The following FBXW11 variants were observed in gnomAD, a reference collection of about 807,000 sequenced individuals.
FBXW11 encodes the protein F-box and WD repeat domain containing 11, also known as F-box/WD repeat-containing protein 11.
Under a neutral mutation model 77.6 loss-of-function variants are expected in FBXW11, and 19 were observed. That is an observed-to-expected ratio of 0.24 (90% CI 0.17 to 0.36). FBXW11 has a LOEUF of 0.36. Among genes scored for constraint, FBXW11 ranks in the 10% least tolerant of loss-of-function variants. The pLI is 1.00. For synonymous variants in FBXW11, 235 were observed against 249.4 expected, an observed-to-expected ratio of 0.94 and a Z score of 0.54; for missense variants, 334 against 704.2, an observed-to-expected ratio of 0.47 and a Z score of 5.95.
rs1370762795 is a variant in FBXW11, at chr5:171,861,980, C to T, written c.*2147G>A. On this transcript the variant is annotated 3_prime_UTR_variant, in exon 14 of 14. Transcript: ENST00000517395. ...TCAGAACTCCTTGGGTGCCAAAGTC[C>T]CCTGCTATAATTTAGTAGGCACAAT... 3 of 152,498 alleles carry T rather than the reference C, an allele frequency of 2.0e-5. No homozygotes were observed. The highest frequency in any genetic ancestry group is 4.4e-5 in the Non-Finnish European group (3 of 68,028). 9.4% of individuals were successfully genotyped at this position (152,498 alleles called of 1,614,324 possible).
intron 1 of FBXW11, among the ~76,000 whole-genome samples, chr5:171,981,570 G>C (rs1260379329): frequency 6.6e-6 from 1 of 152,122 alleles, no homozygotes; most frequent in African/African-American, 2.4e-5. Flanking sequence ...ACACCCAGTT[G>C]GTGTCTGCAA....
chr5:171,926,969 A>ATTC (rs1761923584), intron 2 of FBXW11, among the ~76,000 whole-genome samples: 1 of 152,186 alleles, frequency 6.6e-6, no homozygotes, highest in African/African-American at 2.4e-5. Context: ...TCAACTAGAT[A>ATTC]TTCTTAACAT....
At chr5:171,992,128 G>GAAAAAAAA (rs397768542) in intron 1 of FBXW11, among the ~76,000 whole-genome samples, 16 of 85,356 alleles carry the variant, frequency 1.9e-4, no homozygotes, top group East Asian at 4.7e-4. Context: ...AAGAAAAAAA[G>GAAAAAAAA]AAAAAAAAAA....
intron 2 of FBXW11, among the ~76,000 whole-genome samples, chr5:171,919,021 C>T (rs572457569): frequency 2.0e-5 from 3 of 152,208 alleles, no homozygotes; most frequent in South Asian, 2.1e-4. Context: ...TTCCTTGGCC[C>T]GTGTGACAGT....
chr5:171,953,627 C>G (rs1581248787), intron 2 of FBXW11, among the ~76,000 whole-genome samples: 2 of 152,078 alleles, frequency 1.3e-5, no homozygotes, highest in East Asian at 3.8e-4. Flanking sequence ...TTCATACCCC[C>G]CAAGAGTAAG....
chr5:171,935,468 C>CTACA (rs1762424977), intron 2 of FBXW11, among the ~76,000 whole-genome samples: 1 of 151,996 alleles, frequency 6.6e-6, no homozygotes, highest in Non-Finnish European at 1.5e-5. Context: ...GAAACCTGAA[C>CTACA]TACATGTTGA....
Position 171,904,357 on chromosome 5 carries a change from G to C in FBXW11, c.437-4257C>G, listed in dbSNP as rs1033048675. On this transcript the variant is annotated intron_variant, in intron 4 of 13. Coordinates refer to ENST00000517395, the MANE Select transcript of FBXW11 (RefSeq NM_001378974.1). This position sits in a 1 kb window ranked among gnomAD's most constrained non-coding sequence, Gnocchi z 4.0. ...ATACTCGCCTTTTCAAACCTCAAAGGCTGCAACATCCCCATCATCTGTGAC... is the reference window on the plus strand; with the variant it reads ...ATACTCGCCTTTTCAAACCTCAAAGCCTGCAACATCCCCATCATCTGTGAC... 6.6e-6 allele frequency among the ~76,000 whole-genome samples: 1 copy of C among 151,780 alleles called. No homozygotes were observed. The highest frequency in any genetic ancestry group is 1.5e-5 in the Non-Finnish European group (1 of 67,960).
intron 13 of FBXW11, among the ~76,000 whole-genome samples, chr5:171,864,549 C>A (rs982285756): frequency 1.3e-5 from 2 of 152,204 alleles, no homozygotes; most frequent in South Asian, 4.1e-4. Flanking sequence ...CACATCCTCA[C>A]GAGAGCCCTC....
intron 6 of FBXW11, 136 bp from the exon 7 acceptor site, chr5:171,891,740 G>T: frequency 1.3e-6 from 1 of 756,670 alleles, no homozygotes; most frequent in Non-Finnish European, 2.0e-6. Flanking sequence ...CTGTGGATAG[G>T]ATCATGCTCT....
chr5:171,866,206 A>G (rs192627984), intron 13 of FBXW11, among the ~76,000 whole-genome samples: 2 of 152,044 alleles, frequency 1.3e-5, no homozygotes, highest in Non-Finnish European at 2.9e-5. Context: ...CGGAGGTTGC[A>G]GTGAGCCAAA....
At chr5:171,970,787 A>C (rs1405659235) in intron 1 of FBXW11, among the ~76,000 whole-genome samples, 1 of 152,210 alleles carries the variant, frequency 6.6e-6, no homozygotes, top group Non-Finnish European at 1.5e-5. Flanking sequence ...TTTACAGTAA[A>C]GTTTACACTT....
intron 2 of FBXW11, among the ~76,000 whole-genome samples, chr5:171,916,204 A>G (rs1476758455): frequency 2.7e-5 from 4 of 149,910 alleles, no homozygotes; most frequent in Non-Finnish European, 4.4e-5. Context: ...AAACCTGCAC[A>G]TTGTGCACAT....
chr5:171,953,784 G>C (rs987278583), intron 2 of FBXW11, among the ~76,000 whole-genome samples: 2 of 152,238 alleles, frequency 1.3e-5, no homozygotes, highest in East Asian at 3.9e-4. Flanking sequence ...CTAGAATAGA[G>C]GTTTGTCTGC....
chr5:171,999,693 C>T (rs1005879400), intron 1 of FBXW11, among the ~76,000 whole-genome samples: 2 of 152,086 alleles, frequency 1.3e-5, no homozygotes, highest in African/African-American at 4.8e-5. Context: ...ACTCAAGTTC[C>T]TTTTTCACAA....
At chr5:171,930,761 A>T (rs1262414225) in intron 2 of FBXW11, among the ~76,000 whole-genome samples, 7 of 68,898 alleles carry the variant, frequency 1.0e-4, no homozygotes, top group African/African-American at 2.0e-4. Context: ...AAATAAAAAA[A>T]TAAAAAAAAA....
At chr5:171,945,403 T>C (rs999545937) in intron 2 of FBXW11, among the ~76,000 whole-genome samples, 2 of 152,362 alleles carry the variant, frequency 1.3e-5, no homozygotes, top group South Asian at 2.1e-4. Flanking sequence ...AGACTAGGTT[T>C]GAATCGTGGC....
intron 1 of FBXW11, among the ~76,000 whole-genome samples, chr5:171,998,722 G>A (rs552565655): frequency 6.6e-5 from 10 of 150,556 alleles, no homozygotes; most frequent in African/African-American, 1.7e-4. Context: ...ACTTGAACCC[G>A]GGAGACAGAG....
Position 171,876,262 on chromosome 5 carries a change from G to A in FBXW11, c.1221+23C>T. ...TCTAAAAGGGACAGGAACAGGTAGG[G>A]TTATGACTGCAGACATACTTACTTT... On this transcript the variant is annotated intron_variant, in intron 9 of 13. Coordinates refer to ENST00000517395, the MANE Select transcript of FBXW11 (RefSeq NM_001378974.1). This position sits in a 1 kb window ranked among gnomAD's most constrained non-coding sequence, Gnocchi z 4.2. The A allele has an allele frequency of 6.2e-7, 1 of 1,613,664 alleles. No homozygotes were observed. Among genetic ancestry groups the A allele is most frequent in the Non-Finnish European group, 8.5e-7 (1 of 1,179,734 alleles).
intron 1 of FBXW11, among the ~76,000 whole-genome samples, chr5:172,006,063 AGTGGGGCTT>A (rs1405593621): frequency 6.6e-6 from 1 of 152,008 alleles, no homozygotes; most frequent in African/African-American, 2.4e-5. Context: ...ACTCGGCCTG[AGTGGGGCTT>A]GCAAGCGCGG....
Sources: gnomAD v4.1 joint callset for allele counts (sites outside exome capture counted in the v4.1 genomes callset) on GRCh38, gnomAD v4.1.1 for gene constraint, Gnocchi (gnomAD v3.1) non-coding constraint, MANE v1.5 for transcripts, NCBI Gene and HGNC (gene_info 2026-07-23, HGNC 2026-07-21) for gene names.